Variants in RIMBP2 observed in about 807,000 individuals in gnomAD.
RIMBP2 encodes RIMS binding protein 2.
A neutral mutation model predicts 118.6 loss-of-function variants in RIMBP2; 48 were observed. The observed-to-expected ratio is 0.40, with a 90% CI of 0.32 to 0.51. The LOEUF (loss-of-function observed/expected upper bound fraction) is 0.51. RIMBP2 is among the 20% of genes least tolerant of loss of function. The pLI, the probability that RIMBP2 is intolerant of heterozygous loss-of-function variation, is 0.41. For missense variants in RIMBP2, 1,551 were observed against 1,768.3 expected (o/e 0.88, Z 2.20); for synonymous variants, 762 against 742.9 (o/e 1.03, Z -0.42).
At position 130,620,534 on chromosome 12, in the gene RIMBP2, A is replaced by G. The variant is rs1410142077; in HGVS notation, c.-217+7788T>C. ...GAAGAACAGGCATGCACGGCCCCAC[A>G]GTCCCAGGGGCCAGATGCCCAAGCT... On this transcript the variant is annotated intron_variant, in intron 2 of 22. Transcript: ENST00000690449. This position sits in a 1 kb window ranked among gnomAD's most constrained non-coding sequence, Gnocchi z 5.3. Among the ~76,000 whole-genome samples, 1 of 152,188 alleles carries G rather than the reference A, an allele frequency of 6.6e-6. No homozygotes were observed. The highest frequency in any genetic ancestry group is 1.5e-5 in the Non-Finnish European group (1 of 68,036).
At chr12:130,451,101 G>T in intron 8 of RIMBP2, 94 bp downstream of exon 8, 2 of 1,357,100 alleles carry the variant, frequency 1.5e-6, no homozygotes, top group Non-Finnish European at 1.0e-6. Context: ...CAGGGAGGAA[G>T]ATGGGGAAGA....
chr12:130,540,594 G>T (rs34578419), intron 2 of RIMBP2, among the ~76,000 whole-genome samples: 1 of 151,976 alleles, frequency 6.6e-6, no homozygotes, highest in Non-Finnish European at 1.5e-5. Context: ...CAGAACCTTC[G>T]CCCGTCATGA....
intron 1 of RIMBP2, among the ~76,000 whole-genome samples, chr12:130,665,937 C>A (rs1244049259): frequency 6.6e-6 from 1 of 152,104 alleles, no homozygotes; most frequent in Non-Finnish European, 1.5e-5. Context: ...GGGAGTATCA[C>A]ATCTGGAACT....
At position 130,431,227 on chromosome 12, in the gene RIMBP2, G is replaced by A. The variant is rs367545856; in HGVS notation, c.2254-2890C>T. Among the ~76,000 whole-genome samples the A allele has an allele frequency of 2.0e-3, 303 of 152,242 alleles. No individual in the cohort carries two copies. The highest frequency in any genetic ancestry group is 3.1e-3 in the Admixed American group (47 of 15,288). ...CTATGTGTGAAATGCTAGAGATACC[G>A]TAGTCAACTAAAAGTGGAGGCTTCC... On this transcript the variant is annotated intron_variant, in intron 14 of 22. Transcript: ENST00000690449. This position sits in a 1 kb window ranked among gnomAD's most constrained non-coding sequence, Gnocchi z 4.0.
intron 2 of RIMBP2, among the ~76,000 whole-genome samples, chr12:130,544,701 G>A (rs1000467707): frequency 7.0e-6 from 1 of 142,162 alleles, no homozygotes; most frequent in Admixed American, 7.7e-5. Flanking sequence ...CCAGGTTGAA[G>A]TGATTCTCCT....
At chr12:130,457,153 G>A (rs1016207647) in intron 6 of RIMBP2, among the ~76,000 whole-genome samples, 2 of 152,202 alleles carry the variant, frequency 1.3e-5, no homozygotes, top group East Asian at 1.9e-4. Context: ...ACTCAGGGGA[G>A]CAGCTCAGGT....
At chr12:130,418,235 G>A (rs2076214677) in intron 17 of RIMBP2, among the ~76,000 whole-genome samples, 1 of 152,204 alleles carries the variant, frequency 6.6e-6, no homozygotes, top group Non-Finnish European at 1.5e-5. Context: ...AATCTAAAAT[G>A]TCAGTAATTT....
intron 1 of RIMBP2, among the ~76,000 whole-genome samples, chr12:130,654,632 T>C (rs2063350873): frequency 6.6e-6 from 1 of 152,250 alleles, no homozygotes; most frequent in African/African-American, 2.4e-5. Flanking sequence ...CAGGTATCTT[T>C]ATAGCAATGC....
intron 1 of RIMBP2, among the ~76,000 whole-genome samples, chr12:130,690,360 C>A (rs1354967831): frequency 6.6e-6 from 1 of 152,196 alleles, no homozygotes; most frequent in Non-Finnish European, 1.5e-5. Flanking sequence ...GCCACAGAAA[C>A]TGGTGCTCTT....
rs117240932 is a variant in RIMBP2, at chr12:130,622,984, G to A, written c.-217+5338C>T. On this transcript the variant is annotated intron_variant, in intron 2 of 22. Coordinates refer to ENST00000690449, the MANE Select transcript of RIMBP2 (RefSeq NM_001393629.1). The surrounding 1 kb of genome is among the most constrained non-coding windows in gnomAD (Gnocchi z 8.5). ...GAAAGAACAGATGGCGTGGACTGAG[G>A]TCTGGGGATACTGTTGGGGCCATTT... Among the ~76,000 whole-genome samples the A allele has an allele frequency of 1.9e-3, 284 of 152,326 alleles. 1 individual carries two copies. The highest frequency in any genetic ancestry group is 3.4e-3 in the Non-Finnish European group (228 of 68,028).
At chr12:130,609,602 T>C (rs901516714) in intron 2 of RIMBP2, among the ~76,000 whole-genome samples, 2 of 132,592 alleles carry the variant, frequency 1.5e-5, no homozygotes, top group Non-Finnish European at 3.4e-5. Flanking sequence ...CACATGAAGA[T>C]ACTTATTTGG....
At position 130,626,834 on chromosome 12, in the gene RIMBP2, C is replaced by G. The variant is rs530535297; in HGVS notation, c.-217+1488G>C. On this transcript the variant is annotated intron_variant, in intron 2 of 22. Transcript: ENST00000690449. ...CTACCACCAGCATCACCACCATCTC[C>G]TCCATCACCATGACTATCAGTCATC... Among the ~76,000 whole-genome samples the G allele has an allele frequency of 2.0e-3, 297 of 151,720 alleles. 1 individual carries two copies. Among genetic ancestry groups the G allele is most frequent in the African/African-American group, 6.9e-3 (285 of 41,314 alleles).
chr12:130,640,167 C>T (rs1463715799), intron 1 of RIMBP2, among the ~76,000 whole-genome samples: 4 of 152,174 alleles, frequency 2.6e-5, no homozygotes, highest in Admixed American at 6.5e-5. Flanking sequence ...AAACACACCG[C>T]CTAGAACCAA....
chr12:130,659,415 C>T (rs2136328252), intron 1 of RIMBP2, among the ~76,000 whole-genome samples: 1 of 151,396 alleles, frequency 6.6e-6, no homozygotes. Flanking sequence ...ACTAAAAATA[C>T]AAAAAATTAG....
intron 2 of RIMBP2, among the ~76,000 whole-genome samples, chr12:130,610,737 T>A (rs2060487887): frequency 6.6e-6 from 1 of 151,536 alleles, no homozygotes; most frequent in Non-Finnish European, 1.5e-5. Context: ...ATTTTTTGTA[T>A]TTTTAGTAGA....
intron 4 of RIMBP2, among the ~76,000 whole-genome samples, chr12:130,495,985 C>T (rs923489581): frequency 1.3e-5 from 2 of 152,186 alleles, no homozygotes; most frequent in African/African-American, 2.4e-5. Flanking sequence ...TCAACGGGAA[C>T]GTCCCCCTAG....
At chr12:130,609,764 T>A (rs1332491373) in intron 2 of RIMBP2, among the ~76,000 whole-genome samples, 6 of 152,058 alleles carry the variant, frequency 3.9e-5, no homozygotes, top group Non-Finnish European at 7.4e-5. Flanking sequence ...GCTGCAGGTC[T>A]GGGAAGTGGG....
At chr12:130,593,469 C>T (rs1006183137) in intron 2 of RIMBP2, among the ~76,000 whole-genome samples, 3 of 152,198 alleles carry the variant, frequency 2.0e-5, no homozygotes, top group Admixed American at 2.0e-4. Flanking sequence ...TTTGCAACTT[C>T]GACAGGAAGA....
chr12:130,647,284 A>T (rs565587250), intron 1 of RIMBP2, among the ~76,000 whole-genome samples: 70 of 151,990 alleles, frequency 4.6e-4, no homozygotes, highest in Non-Finnish European at 7.2e-4. Flanking sequence ...ACTCTCTTGA[A>T]CCCGGGGGGT....
Sources: gnomAD v4.1 joint callset for allele counts (sites outside exome capture counted in the v4.1 genomes callset) on GRCh38, gnomAD v4.1.1 for gene constraint, Gnocchi (gnomAD v3.1) non-coding constraint, MANE v1.5 for transcripts, NCBI Gene and HGNC (gene_info 2026-07-23, HGNC 2026-07-21) for gene names.